Variants in CNTN4 observed in about 807,000 individuals in gnomAD.
The protein encoded by CNTN4 is contactin 4.
Under a neutral mutation model 122.5 loss-of-function variants are expected in CNTN4, and 77 were observed. That is an observed-to-expected ratio of 0.63 (90% CI 0.52 to 0.76). The LOEUF is 0.76. Ranked by LOEUF, CNTN4 falls within the 30% of genes least tolerant of loss-of-function variation. CNTN4 has a pLI of 0.00. For synonymous variants in CNTN4, 512 were observed against 447.0 expected, an observed-to-expected ratio of 1.15 and a Z score of -1.83; for missense variants, 1,256 against 1,259.1, an observed-to-expected ratio of 1.00 and a Z score of 0.04.
intron 4 of CNTN4, among the ~76,000 whole-genome samples, chr3:2,586,873 C>T (rs2080227593): frequency 6.6e-6 from 1 of 152,206 alleles, no homozygotes; most frequent in Non-Finnish European, 1.5e-5. Context: ...ATTTACTCTG[C>T]AGCCCCTACA....
In CNTN4 at chr3:2,536,397, A is replaced by G. The variant is rs117803997; in HGVS notation, c.-88-35019A>G. Among the ~76,000 whole-genome samples, 136 of 152,250 alleles carry G rather than the reference A, an allele frequency of 8.9e-4. 3 individuals carry two copies. The East Asian group carries it at 0.024, about 27-fold the overall frequency. ...GTGACTGGTGGTGATATTTGACTTC[A>G]TATACTGAGACCAATTTTTATTTAA... On this transcript the variant is annotated intron_variant, in intron 3 of 24. Transcript: ENST00000418658.
chr3:2,497,183 C>T (rs1343336703), intron 3 of CNTN4, among the ~76,000 whole-genome samples: 2 of 152,168 alleles, frequency 1.3e-5, no homozygotes, highest in Admixed American at 6.5e-5. Flanking sequence ...CTTCTTCTTT[C>T]ATATGTATTT....
chr3:2,865,412 C>T (rs1307807480), intron 7 of CNTN4, among the ~76,000 whole-genome samples: 2 of 152,148 alleles, frequency 1.3e-5, no homozygotes, highest in African/African-American at 4.8e-5. Context: ...CAGTAATTAG[C>T]GTTCTCTCTA....
intron 13 of CNTN4, among the ~76,000 whole-genome samples, chr3:2,981,199 C>T (rs915386697): frequency 6.6e-5 from 10 of 152,110 alleles, no homozygotes; most frequent in Non-Finnish European, 1.2e-4. Flanking sequence ...AGTACCAGCA[C>T]TTTGGCAGGC....
At chr3:2,246,112 C>T (rs965414517) in intron 2 of CNTN4, among the ~76,000 whole-genome samples, 1 of 151,844 alleles carries the variant, frequency 6.6e-6, no homozygotes, top group African/African-American at 2.4e-5. Context: ...AAAATTTTAA[C>T]CCTACATTCT....
intron 10 of CNTN4, among the ~76,000 whole-genome samples, chr3:2,894,517 ATAT>A (rs776513782): frequency 1.3e-5 from 2 of 152,150 alleles, no homozygotes; most frequent in African/African-American, 2.4e-5. Flanking sequence ...CTTAACCTGA[ATAT>A]TATTATGAGG....
At chr3:2,207,082 A>G (rs766965243) in intron 2 of CNTN4, among the ~76,000 whole-genome samples, 13 of 151,952 alleles carry the variant, frequency 8.6e-5, no homozygotes, top group Non-Finnish European at 1.5e-4. Flanking sequence ...ACTATTGTAA[A>G]TTTGGGGGGT....
At chr3:2,464,194 A>G (rs1361131952) in intron 3 of CNTN4, among the ~76,000 whole-genome samples, 5 of 152,180 alleles carry the variant, frequency 3.3e-5, no homozygotes, top group Non-Finnish European at 5.9e-5. Context: ...TAGCAGTCCA[A>G]TATGCCTGGA....
At chr3:3,040,571 G>T (rs957304439) in intron 20 of CNTN4, among the ~76,000 whole-genome samples, 4 of 152,158 alleles carry the variant, frequency 2.6e-5, no homozygotes, top group Non-Finnish European at 4.4e-5. Flanking sequence ...ACTTTCAAAA[G>T]AATTTTATTT....
chr3:2,718,962 A>G (rs939413391), intron 4 of CNTN4, among the ~76,000 whole-genome samples: 16 of 152,158 alleles, frequency 1.1e-4, no homozygotes, highest in African/African-American at 3.9e-4. Context: ...TTGCATGTAC[A>G]TATTAACTCC....
chr3:2,189,986 G>C (rs371591507), intron 2 of CNTN4, among the ~76,000 whole-genome samples: 1 of 152,158 alleles, frequency 6.6e-6, no homozygotes, highest in Non-Finnish European at 1.5e-5. Context: ...CATACAGGAA[G>C]GTGATGATGA....
intron 6 of CNTN4, among the ~76,000 whole-genome samples, chr3:2,756,602 C>T (rs1376068820): frequency 7.2e-5 from 11 of 152,186 alleles, no homozygotes; most frequent in Admixed American, 1.3e-4. Context: ...TTTGGAAAAA[C>T]GGTCTTTCCA....
At chr3:2,574,556 T>A (rs2079574069) in intron 4 of CNTN4, among the ~76,000 whole-genome samples, 1 of 152,160 alleles carries the variant, frequency 6.6e-6, no homozygotes, top group South Asian at 2.1e-4. Context: ...TGTCTGGCAA[T>A]AATTTTCAAA....
intron 24 of CNTN4, among the ~76,000 whole-genome samples, chr3:3,055,035 C>A (rs1352402917): frequency 1.3e-5 from 2 of 152,118 alleles, no homozygotes; most frequent in African/African-American, 4.8e-5. Context: ...GACTTTTAGC[C>A]ATGTGACATC....
intron 3 of CNTN4, among the ~76,000 whole-genome samples, chr3:2,533,450 A>G (rs932999871): frequency 2.6e-5 from 4 of 152,016 alleles, no homozygotes; most frequent in Non-Finnish European, 5.9e-5. Context: ...ATGTCCCTAC[A>G]AAGGACATGA....
At chr3:2,173,802 A>G (rs1050974709) in intron 2 of CNTN4, among the ~76,000 whole-genome samples, 4 of 152,218 alleles carry the variant, frequency 2.6e-5, no homozygotes, top group Non-Finnish European at 4.4e-5. Flanking sequence ...AGTTGACTTG[A>G]ACTCTAAAAG....
intron 2 of CNTN4, among the ~76,000 whole-genome samples, chr3:2,297,656 C>T (rs1006314900): frequency 1.9e-4 from 29 of 152,058 alleles, no homozygotes; most frequent in African/African-American, 5.8e-4. Context: ...GAGCTTCATG[C>T]GACCAGAGGT....
At chr3:3,016,521 G>A (rs551152352) in intron 14 of CNTN4, among the ~76,000 whole-genome samples, 3 of 152,270 alleles carry the variant, frequency 2.0e-5, no homozygotes, top group Admixed American at 2.0e-4. Context: ...CAAGTTGACG[G>A]TGAATGACTT....
intron 3 of CNTN4, among the ~76,000 whole-genome samples, chr3:2,496,165 C>G (rs2076446332): frequency 6.6e-6 from 1 of 152,184 alleles, no homozygotes; most frequent in Non-Finnish European, 1.5e-5. Context: ...TCTGATTTGT[C>G]ATGTCATTCC....
Sources: gnomAD v4.1 joint callset for allele counts (sites outside exome capture counted in the v4.1 genomes callset) on GRCh38, gnomAD v4.1.1 for gene constraint, MANE v1.5 for transcripts, NCBI Gene and HGNC (gene_info 2026-07-23, HGNC 2026-07-21) for gene names.